DISP3: variants seen among roughly 807,000 people sequenced by gnomAD.
DISP3 encodes dispatched RND transporter family member 3.
In DISP3, 101 loss-of-function variants were observed where a neutral mutation model predicts 135.3. The ratio of observed to expected loss-of-function variants is 0.75; its 90% CI spans 0.64 to 0.88. DISP3 has a LOEUF of 0.88. Among genes scored for constraint, DISP3 ranks in the 40% least tolerant of loss-of-function variants. The probability of loss-of-function intolerance (pLI) is 0.00; values close to 1 mark genes in which losing one functional copy is unlikely to be tolerated. For missense variants in DISP3, 1,713 were observed against 1,878.6 expected, an observed-to-expected ratio of 0.91 and a Z score of 1.63; for synonymous variants, 856 against 817.0, an observed-to-expected ratio of 1.05 and a Z score of -0.81.
At chr1:11,514,990 G>A (rs181396540) in intron 4 of DISP3, among the ~76,000 whole-genome samples, 6 of 152,300 alleles carry the variant, frequency 3.9e-5, no homozygotes, top group Non-Finnish European at 8.8e-5. Flanking sequence ...CAAGACAATG[G>A]TAATACTTTC....
rs771172220 is a variant in DISP3 at position 11,535,461 on chromosome 1, C to G, written c.3650-17C>G. The G allele has an allele frequency of 2.0e-5, 32 of 1,593,936 alleles. No individual in the cohort carries two copies. Among genetic ancestry groups the G allele is most frequent in the Non-Finnish European group, 2.6e-5 (30 of 1,167,650 alleles). On this transcript the variant is annotated splice_polypyrimidine_tract_variant and intron_variant, in intron 19 of 20. Coordinates refer to ENST00000294484, the MANE Select transcript of DISP3 (RefSeq NM_020780.2). ...GGGCGGGGGATCCGAGCTGCCCCCC[C>G]TGCTGTCTCCTTGCAGGCATCGTGT...
rs1418812529 is a variant in DISP3 at position 11,497,063 on chromosome 1, A to G, written c.-3-3927A>G. ...GCATGATAGACCAAGAACTCATCAA[A>G]TCCACTTCCTGCCTTGTCCATTTCA... On this transcript the variant is annotated intron_variant, in intron 1 of 20. Transcript: ENST00000294484. Among the ~76,000 whole-genome samples the G allele has an allele frequency of 2.6e-5, 4 of 152,038 alleles. 1 individual carries two copies. The highest frequency in any genetic ancestry group is 9.7e-5 in the African/African-American group (4 of 41,384).
At position 11,491,536 on chromosome 1, in the gene DISP3, G is replaced by A. The variant is rs992608457; in HGVS notation, c.-3-9454G>A. Among the ~76,000 whole-genome samples the A allele has an allele frequency of 2.0e-5, 3 of 152,092 alleles. No individual in the cohort carries two copies. Among genetic ancestry groups the A allele is most frequent in the Admixed American group, 6.5e-5 (1 of 15,276 alleles). On this transcript the variant is annotated intron_variant, in intron 1 of 20. Transcript: ENST00000294484. The surrounding 1 kb of genome is among the most constrained non-coding windows in gnomAD (Gnocchi z 4.3). ...TGAGCGGGGAGGACCACTCGAGCCCGGGAGGTCGAGGCTGCAGTGAACCAT... is the reference window on the plus strand; with the variant it reads ...TGAGCGGGGAGGACCACTCGAGCCCAGGAGGTCGAGGCTGCAGTGAACCAT...
At chr1:11,530,699 T>G (rs1642553534) in intron 15 of DISP3, among the ~76,000 whole-genome samples, 1 of 149,296 alleles carries the variant, frequency 6.7e-6, no homozygotes, top group Admixed American at 6.7e-5. Context: ...CTGTGTGGGG[T>G]GGGCAGTGAT....
chr1:11,513,120 TA>T (rs1276985631), intron 3 of DISP3, among the ~76,000 whole-genome samples: 2 of 151,628 alleles, frequency 1.3e-5, no homozygotes, highest in South Asian at 2.1e-4. Flanking sequence ...CCATCTCTAC[TA>T]AAAAATAAAA....
Position 11,519,695 on chromosome 1 carries a change from C to T in DISP3, c.2039-24C>T, listed in dbSNP as rs781384896. ...CAGTGGGCTTTGATTCAGGCTCTGA[C>T]GGGCCACTGCTCTGCCCTGGCAGTG... On this transcript the variant is annotated intron_variant, in intron 8 of 20. Transcript: ENST00000294484. The surrounding 1 kb of genome is among the most constrained non-coding windows in gnomAD (Gnocchi z 4.3). 24 of 1,604,950 alleles carry T rather than the reference C, an allele frequency of 1.5e-5. No homozygotes were observed. The Middle Eastern group carries it at 8.3e-4, about 55-fold the overall frequency.
rs746488875 is a variant in DISP3, at chr1:11,526,806, C to T, written c.2769C>T (p.Tyr923=). ...GCTGGAAGTTTGACTTCAGCTTCTA[C>T]GTGGCCACCAAGGAGCAGCAGCACA... ...KRGWKFDFSF[Y]VATKEQQHTR... The change falls in exon 13 of 21, where the codon TAC becomes TAT. Residue 923 remains tyrosine (Y), a synonymous_variant. Coordinates refer to ENST00000294484, the MANE Select transcript of DISP3 (RefSeq NM_020780.2). The T allele has an allele frequency of 1.9e-6, 3 of 1,609,162 alleles. No homozygotes were observed. Among genetic ancestry groups the T allele is most frequent in the South Asian group, 1.1e-5 (1 of 91,060 alleles).
rs372438184 is a variant in DISP3 at position 11,501,092 on chromosome 1, C to G, written c.100C>G (p.Pro34Ala). 5 of 1,613,902 alleles carry G rather than the reference C, an allele frequency of 3.1e-6. No individual in the cohort carries two copies. The African/African-American group carries it at 4.0e-5, about 13-fold the overall frequency. ...TGAAACCTTTTTAGGGGCCCAGAAG[C>G]CAGGGCCCCAACCTGGGGCAGGGGG... ...TGETFLGAQK[P>A]GPQPGAGGQC... The change falls in exon 2 of 21, where the codon CCA becomes GCA. Residue 34 changes from proline (P) to alanine (A), a missense_variant. This residue lies in a region of DISP3 where 571 missense variants were observed against 494.1 expected (regional missense o/e 1.16). Coordinates refer to ENST00000294484, the MANE Select transcript of DISP3 (RefSeq NM_020780.2). The surrounding 1 kb of genome is among the most constrained non-coding windows in gnomAD (Gnocchi z 4.9).
At chr1:11,530,333 G>A (rs1642544371) in intron 15 of DISP3, among the ~76,000 whole-genome samples, 1 of 152,188 alleles carries the variant, frequency 6.6e-6, no homozygotes, top group African/African-American at 2.4e-5. Flanking sequence ...CCTGTCCAAT[G>A]TGGGGCTCTT....
intron 10 of DISP3, among the ~76,000 whole-genome samples, chr1:11,522,392 A>G (rs1031124729): frequency 6.6e-6 from 1 of 152,080 alleles, no homozygotes; most frequent in African/African-American, 2.4e-5. Context: ...CACACTTCGG[A>G]GCCAGCCCTG....
intron 2 of DISP3, 106 bp from the exon 3 acceptor site, chr1:11,502,572 G>C (rs1237553252): frequency 1.1e-6 from 1 of 884,628 alleles, no homozygotes; most frequent in Non-Finnish European, 1.7e-6. Flanking sequence ...ATATGGACAG[G>C]GGGAATCCTG....
At chr1:11,510,884 T>A (rs1641838044) in intron 3 of DISP3, among the ~76,000 whole-genome samples, 2 of 152,144 alleles carry the variant, frequency 1.3e-5, no homozygotes, top group African/African-American at 4.8e-5. Flanking sequence ...GGACTTTCAG[T>A]TCCACATGGC....
chr1:11,522,701 CCA>C lies in DISP3; in HGVS notation c.2363-1240_2363-1239del, dbSNP rs1642255755. On this transcript the variant is annotated intron_variant, in intron 10 of 20. Coordinates refer to ENST00000294484, the MANE Select transcript of DISP3 (RefSeq NM_020780.2). The stretch of plus-strand genomic sequence containing the variant: ...CAGCCAGAGCCCAGCCAGGGCCCAG[CCA>C]GGACCCAGCCAGGGCCCAGCCAGGG... 1.7e-4 allele frequency among the ~76,000 whole-genome samples: 23 copies of C among 135,494 alleles called. 1 individual carries two copies. Among genetic ancestry groups the C allele is most frequent in the Non-Finnish European group, 2.1e-4 (13 of 61,616 alleles). 88.9% of individuals were successfully genotyped at this position (135,494 alleles called of 152,430 possible).
In DISP3 at chr1:11,537,066, C is replaced by T. The variant is rs892094477; in HGVS notation, c.*380C>T. On this transcript the variant is annotated 3_prime_UTR_variant, in exon 21 of 21. Coordinates refer to ENST00000294484, the MANE Select transcript of DISP3 (RefSeq NM_020780.2). ...TGTTACAGGGTGGCCCCCATTCTACCGATGTGAAAACTGAGGCGCCAGGAC... is the reference window on the plus strand; with the variant it reads ...TGTTACAGGGTGGCCCCCATTCTACTGATGTGAAAACTGAGGCGCCAGGAC... 17 of 199,362 alleles carry T rather than the reference C, an allele frequency of 8.5e-5. No homozygotes were observed. The highest frequency in any genetic ancestry group is 2.1e-4 in the African/African-American group (9 of 42,904). 12.3% of individuals were successfully genotyped at this position (199,362 alleles called of 1,614,324 possible). A position where few individuals can be genotyped will look rare whatever the true frequency, so the allele number is the denominator to read the frequency against.
At chr1:11,518,436 C>T (rs953246577) in intron 7 of DISP3, among the ~76,000 whole-genome samples, 13 of 152,210 alleles carry the variant, frequency 8.5e-5, no homozygotes, top group African/African-American at 2.4e-4. Context: ...GGTGCCCCGG[C>T]GGAGGCACTG....
intron 1 of DISP3, among the ~76,000 whole-genome samples, chr1:11,484,956 G>A (rs916897924): frequency 6.6e-6 from 1 of 152,142 alleles, no homozygotes; most frequent in Admixed American, 6.5e-5. Flanking sequence ...TGTGTGCCAG[G>A]TGTGGGCTTG....
rs1271875036 is a variant in DISP3, at chr1:11,491,283, A to G, written c.-3-9707A>G. On this transcript the variant is annotated intron_variant, in intron 1 of 20. Transcript: ENST00000294484. This position sits in a 1 kb window ranked among gnomAD's most constrained non-coding sequence, Gnocchi z 4.3. ...CCAAGAATGCTTCTGGACCGCCTGTATCAGAATCACCTGGGGAGGTGGTTT... is the reference window on the plus strand; with the variant it reads ...CCAAGAATGCTTCTGGACCGCCTGTGTCAGAATCACCTGGGGAGGTGGTTT... Among the ~76,000 whole-genome samples, 1 of 152,214 alleles carries G rather than the reference A, an allele frequency of 6.6e-6. No individual in the cohort carries two copies. Among genetic ancestry groups the G allele is most frequent in the Admixed American group, 6.5e-5 (1 of 15,280 alleles).
chr1:11,507,844 T>C (rs1641749915), intron 3 of DISP3, among the ~76,000 whole-genome samples: 1 of 152,246 alleles, frequency 6.6e-6, no homozygotes, highest in Non-Finnish European at 1.5e-5. Context: ...AATCAGCATC[T>C]AGTACAGGAC....
chr1:11,523,902 C>T (rs1206257389), intron 10 of DISP3, 40 bp from the exon 11 acceptor site: 2 of 1,540,048 alleles, frequency 1.3e-6, no homozygotes, highest in Non-Finnish European at 1.8e-6. Context: ...GCCAGGATGT[C>T]CTGCTGTCCT....
Sources: allele counts gnomAD v4.1 joint callset (sites outside exome capture counted in the v4.1 genomes callset), GRCh38; gene constraint gnomAD v4.1.1; regional missense constraint gnomAD v4.1.1; non-coding constraint Gnocchi (gnomAD v3.1); transcripts MANE v1.5; gene names NCBI Gene and HGNC (gene_info 2026-07-23, HGNC 2026-07-21).